Variants in KLHDC1 observed in about 807,000 individuals in gnomAD.
KLHDC1 encodes the protein kelch domain-containing protein 1.
In KLHDC1, 53 loss-of-function variants were observed where a neutral mutation model predicts 68.3. The observed-to-expected ratio is 0.78, with a 90% CI of 0.62 to 0.98. The LOEUF (loss-of-function observed/expected upper bound fraction) is 0.98. KLHDC1 is among the 50% of genes least tolerant of loss of function. KLHDC1 has a pLI of 0.00. For synonymous variants in KLHDC1, 148 were observed against 159.0 expected, an observed-to-expected ratio of 0.93 and a Z score of 0.52; for missense variants, 470 against 492.3, an observed-to-expected ratio of 0.95 and a Z score of 0.43.
chr14:49,713,850 A>ATTTTTTT (rs869250721), intron 4 of KLHDC1, among the ~76,000 whole-genome samples: 1 of 50,230 alleles, frequency 2.0e-5, no homozygotes, highest in Non-Finnish European at 3.2e-5. Flanking sequence ...ATATATATAT[A>ATTTTTTT]TTTTTTTTTT....
At chr14:49,709,890 C>A (rs1004403075) in intron 3 of KLHDC1, 64 bp downstream of exon 3, 1 of 763,856 alleles carries the variant, frequency 1.3e-6, no homozygotes, top group Non-Finnish European at 2.1e-6. Context: ...TTTCATCTCA[C>A]AAGTTACAAA....
At chr14:49,743,174 A>G (rs993141705) in intron 11 of KLHDC1, among the ~76,000 whole-genome samples, 1 of 151,308 alleles carries the variant, frequency 6.6e-6, no homozygotes, top group Non-Finnish European at 1.5e-5. Context: ...AGGCAGGTGG[A>G]TCACCTGAGG....
At chr14:49,742,265 A>T (rs1326780094) in intron 11 of KLHDC1, among the ~76,000 whole-genome samples, 1 of 152,226 alleles carries the variant, frequency 6.6e-6, no homozygotes, top group African/African-American at 2.4e-5. Flanking sequence ...AATTCTAAAG[A>T]CCTATTTGAA....
chr14:49,726,431 C>T (rs1888672971), intron 6 of KLHDC1, among the ~76,000 whole-genome samples: 1 of 151,974 alleles, frequency 6.6e-6, no homozygotes. Flanking sequence ...CAAAAAAATG[C>T]ATATTCTTCT....
At chr14:49,739,479 A>G (rs560451122) in intron 10 of KLHDC1, among the ~76,000 whole-genome samples, 2 of 152,318 alleles carry the variant, frequency 1.3e-5, no homozygotes, top group South Asian at 4.1e-4. Context: ...AAAACTAGGA[A>G]CATATTATGG....
chr14:49,716,387 CT>C (rs767551225), intron 4 of KLHDC1, among the ~76,000 whole-genome samples: 199 of 142,694 alleles, frequency 1.4e-3, no homozygotes, highest in Admixed American at 2.3e-3. Flanking sequence ...TCTTGCTACG[CT>C]TTTTTTTTTT....
chr14:49,711,358 C>T (rs972541438), intron 4 of KLHDC1, among the ~76,000 whole-genome samples: 6 of 152,024 alleles, frequency 3.9e-5, no homozygotes, highest in African/African-American at 1.4e-4. Context: ...CATGCCACCA[C>T]GCTGGCTAAT....
intron 2 of KLHDC1, 77 bp downstream of exon 2, chr14:49,709,306 G>T: frequency 1.5e-6 from 1 of 660,916 alleles, no homozygotes. Context: ...GGGAATTTGA[G>T]ACCATACTTT....
In KLHDC1 at chr14:49,725,797, A is replaced by G. The variant is rs34201224; in HGVS notation, c.567+28A>G. The G allele has an allele frequency of 1.3e-3, 1,468 of 1,160,276 alleles. 4 individuals carry two copies. The highest frequency in any genetic ancestry group is 1.6e-3 in the Non-Finnish European group (1,289 of 808,470). 71.9% of individuals were successfully genotyped at this position (1,160,276 alleles called of 1,614,324 possible). A position where few individuals can be genotyped will look rare whatever the true frequency, so the allele number is the denominator to read the frequency against. On this transcript the variant is annotated intron_variant, in intron 6 of 12. Transcript: ENST00000359332. ...AAGTGTGGTAAAAAGTCATCTTTAT[A>G]TATTTGTATTTAAAAATAAATTTTT...
intron 9 of KLHDC1, among the ~76,000 whole-genome samples, chr14:49,733,384 T>G (rs1888860475): frequency 6.6e-6 from 1 of 152,152 alleles, no homozygotes; most frequent in Non-Finnish European, 1.5e-5. Context: ...GAATATTGAC[T>G]TCTTAATTTG....
rs551557966 is a variant in KLHDC1, at chr14:49,730,679, A to G, written c.710+1131A>G. 7.9e-5 allele frequency among the ~76,000 whole-genome samples: 12 copies of G among 152,232 alleles called. No individual in the cohort carries two copies. In the East Asian group the frequency reaches 1.9e-3, roughly 25 times the overall value. ...AATAGGTAAAAATTATTTTTAAAAG[A>G]TGTTCAACCTAGGCTGGGTGCAGTG... is the stretch of plus-strand genomic sequence containing the variant. On this transcript the variant is annotated intron_variant, in intron 8 of 12. Transcript: ENST00000359332.
At chr14:49,722,960 G>A (rs1295871097) in intron 4 of KLHDC1, among the ~76,000 whole-genome samples, 9 of 151,252 alleles carry the variant, frequency 6.0e-5, no homozygotes, top group Non-Finnish European at 7.4e-5. Flanking sequence ...GGTGGCAGGC[G>A]CCTGTAATCC....
intron 4 of KLHDC1, among the ~76,000 whole-genome samples, chr14:49,714,886 G>A (rs1202704387): frequency 6.9e-6 from 1 of 145,722 alleles, no homozygotes; most frequent in East Asian, 2.0e-4. Flanking sequence ...ACTTTTACAT[G>A]TATACTTAAT....
At chr14:49,703,092 T>A (rs1020138427) in intron 1 of KLHDC1, among the ~76,000 whole-genome samples, 20 of 152,190 alleles carry the variant, frequency 1.3e-4, no homozygotes, top group African/African-American at 4.6e-4. Context: ...TACAATAGAA[T>A]GTATAAAATA....
chr14:49,735,787 G>C (rs570425656), intron 10 of KLHDC1, among the ~76,000 whole-genome samples: 4 of 152,222 alleles, frequency 2.6e-5, no homozygotes, highest in Non-Finnish European at 5.9e-5. Flanking sequence ...AAGGCAGGAG[G>C]ATCACTTGAG....
intron 4 of KLHDC1, among the ~76,000 whole-genome samples, chr14:49,723,575 A>G (rs1888590691): frequency 6.6e-6 from 1 of 152,194 alleles, no homozygotes; most frequent in Admixed American, 6.5e-5. Context: ...TGCCATGCCA[A>G]TATAAATGTA....
At position 49,711,910 on chromosome 14, in the gene KLHDC1, C is replaced by CTTTTTTTTTTT. The variant is rs992092493; in HGVS notation, c.404+1546_404+1556dup. Among the ~76,000 whole-genome samples, 21 of 76,610 alleles carry CTTTTTTTTTTT rather than the reference C, an allele frequency of 2.7e-4. 4 individuals carry two copies. The highest frequency in any genetic ancestry group is 5.0e-4 in the African/African-American group (10 of 20,064). 50.3% of individuals were successfully genotyped at this position (76,610 alleles called of 152,430 possible). The stretch of plus-strand genomic sequence containing the variant: ...TTATATGTCTTTCTTTTTTCTTTTT[C>CTTTTTTTTTTT]TTTTTTTTTTTTTTTTTTTTTTTTT... On this transcript the variant is annotated intron_variant, in intron 4 of 12. Coordinates refer to ENST00000359332, the MANE Select transcript of KLHDC1 (RefSeq NM_172193.3).
intron 1 of KLHDC1, chr14:49,708,719 TTAA>T (rs1888122402): frequency 6.5e-6 from 1 of 153,616 alleles, no homozygotes; most frequent in Admixed American, 6.5e-5. Context: ...CTGAGATATC[TTAA>T]TAAGATATTT....
At chr14:49,703,913 A>G (rs1351924638) in intron 1 of KLHDC1, among the ~76,000 whole-genome samples, 1 of 148,430 alleles carries the variant, frequency 6.7e-6, no homozygotes, top group East Asian at 1.9e-4. Flanking sequence ...AAGCATTCTT[A>G]TAACATGCTT....
Sources: allele counts gnomAD v4.1 joint callset (sites outside exome capture counted in the v4.1 genomes callset), GRCh38; gene constraint gnomAD v4.1.1; transcripts MANE v1.5; gene names NCBI Gene and HGNC (gene_info 2026-07-23, HGNC 2026-07-21).